KANK1: variants seen among roughly 807,000 people sequenced by gnomAD.
The protein encoded by KANK1 is KN motif and ankyrin repeat domain-containing protein 1.
KANK1 carries 109 observed loss-of-function variants against 106.2 expected under a neutral mutation model. That is an observed-to-expected ratio of 1.03 (90% confidence interval 0.88 to 1.20). The LOEUF (loss-of-function observed/expected upper bound fraction) is 1.20, where lower values mean the gene tolerates loss of function less well. Among genes scored for constraint, KANK1 ranks in the 50% most tolerant of loss-of-function variants. The pLI is 0.00. For synonymous variants in KANK1, 873 were observed against 652.2 expected, an observed-to-expected ratio of 1.34 and a Z score of -5.16; for missense variants, 2,399 against 1,710.7, an observed-to-expected ratio of 1.40 and a Z score of -7.10.
At chr9:720,458 C>T (rs900404681) in intron 3 of KANK1, among the ~76,000 whole-genome samples, 6 of 152,222 alleles carry the variant, frequency 3.9e-5, no homozygotes, top group African/African-American at 7.2e-5. Flanking sequence ...TGTCCTCACA[C>T]GTGAACCTCC....
chr9:632,925 C>G (rs1194690710), intron 1 of KANK1, among the ~76,000 whole-genome samples: 2 of 152,090 alleles, frequency 1.3e-5, no homozygotes, highest in Admixed American at 6.5e-5. Flanking sequence ...AACTCCTGAC[C>G]TCAGGTGATC....
chr9:542,018 G>A (rs974070059), intron 1 of KANK1, among the ~76,000 whole-genome samples: 5 of 151,806 alleles, frequency 3.3e-5, no homozygotes, highest in Non-Finnish European at 5.9e-5. Context: ...GAACCCGGGA[G>A]GCGGAGCTTG....
intron 3 of KANK1, among the ~76,000 whole-genome samples, chr9:726,317 C>G (rs1357780392): frequency 6.6e-6 from 1 of 152,056 alleles, no homozygotes; most frequent in African/African-American, 2.4e-5. Context: ...GGGAATAAGC[C>G]CATTGATCTT....
chr9:510,632 C>T (rs1428564043), intron 1 of KANK1, among the ~76,000 whole-genome samples: 1 of 152,220 alleles, frequency 6.6e-6, no homozygotes, highest in Non-Finnish European at 1.5e-5. Flanking sequence ...CCCCGGTTGA[C>T]CACTGGACAG....
At chr9:743,141 G>A (rs1836141370) in intron 10 of KANK1, among the ~76,000 whole-genome samples, 1 of 152,190 alleles carries the variant, frequency 6.6e-6, no homozygotes, top group African/African-American at 2.4e-5. Flanking sequence ...ACAGAGGTCG[G>A]GTTGGCTTGG....
chr9:744,450 G>C (rs372609937), intron 10 of KANK1, 41 bp from the exon 11 acceptor site: 69 of 1,589,308 alleles, frequency 4.3e-5, no homozygotes, highest in African/African-American at 5.4e-5. Flanking sequence ...CTGGAGGTTT[G>C]AGAAACCCAA....
chr9:472,806 G>A (rs1380173075), intron 2 of KANK1, among the ~76,000 whole-genome samples: 1 of 152,190 alleles, frequency 6.6e-6, no homozygotes, highest in Non-Finnish European at 1.5e-5. Flanking sequence ...GATCCGAGCT[G>A]GTGCAGGCAT....
intron 3 of KANK1, among the ~76,000 whole-genome samples, chr9:474,324 C>G (rs776278946): frequency 6.6e-5 from 10 of 152,186 alleles, no homozygotes. Context: ...AGTACAAGCT[C>G]AGGGGTCAAA....
rs73386844 is a variant in KANK1, at chr9:654,556, A to G, written c.-83-22334A>G. Among the ~76,000 whole-genome samples the G allele has an allele frequency of 9.6e-3, 1,397 of 145,026 alleles. 32 individuals carry two copies. Among genetic ancestry groups the G allele is most frequent in the African/African-American group, 0.036 (1,324 of 36,780 alleles). On this transcript the variant is annotated intron_variant, in intron 1 of 11. Coordinates refer to ENST00000382297, the MANE Select transcript of KANK1 (RefSeq NM_015158.5). ...TCAAACACTAACTCAACCAGAAGGGACAATGTAATATATTTACCACTCAAT... is the reference window on the plus strand; with the variant it reads ...TCAAACACTAACTCAACCAGAAGGGGCAATGTAATATATTTACCACTCAAT...
Position 580,055 on chromosome 9 carries a change from G to A in KANK1, c.-84+75301G>A, listed in dbSNP as rs563686184. On this transcript the variant is annotated intron_variant, in intron 1 of 11. Coordinates refer to ENST00000382297, the MANE Select transcript of KANK1 (RefSeq NM_015158.5). ...GTGAGTGTTACAGTTCTTAAAGATG[G>A]TGTGTCCGAAGTTTGTTCCTTCTGA... is the stretch of plus-strand genomic sequence containing the variant. 1.4e-3 allele frequency among the ~76,000 whole-genome samples: 214 copies of A among 152,256 alleles called. 1 individual carries two copies. Among genetic ancestry groups the A allele is most frequent in the African/African-American group, 4.8e-3 (201 of 41,518 alleles).
intron 1 of KANK1, among the ~76,000 whole-genome samples, chr9:595,223 G>GCA (rs1338375808): frequency 7.2e-4 from 110 of 151,898 alleles, no homozygotes; most frequent in Non-Finnish European, 1.2e-3. Flanking sequence ...AGACCAGTTG[G>GCA]GGCAACATGG....
At chr9:724,149 T>C (rs1830084019) in intron 3 of KANK1, among the ~76,000 whole-genome samples, 1 of 152,208 alleles carries the variant, frequency 6.6e-6, no homozygotes, top group Non-Finnish European at 1.5e-5. Flanking sequence ...GATTATGTGA[T>C]AATCATACTT....
intron 1 of KANK1, among the ~76,000 whole-genome samples, chr9:639,830 C>T (rs1232712507): frequency 1.3e-5 from 2 of 152,164 alleles, no homozygotes; most frequent in Non-Finnish European, 2.9e-5. Context: ...CTGGTGAGGG[C>T]CTGTTCCTCA....
At chr9:741,595 C>A (rs906762314) in intron 9 of KANK1, among the ~76,000 whole-genome samples, 1 of 151,036 alleles carries the variant, frequency 6.6e-6, no homozygotes. Context: ...TCACACCATT[C>A]TCCTGCCTCA....
At chr9:476,039 G>C (rs1481612918) in intron 3 of KANK1, among the ~76,000 whole-genome samples, 1 of 150,858 alleles carries the variant, frequency 6.6e-6, no homozygotes. Flanking sequence ...TTTTAACAGA[G>C]ACAAGTTTTC....
At position 609,394 on chromosome 9, in the gene KANK1, G is replaced by A. The variant is rs374284201; in HGVS notation, c.-83-67496G>A. Among the ~76,000 whole-genome samples the A allele has an allele frequency of 5.8e-4, 89 of 152,224 alleles. 1 individual carries two copies. In the South Asian group the frequency reaches 0.017, roughly 29 times the overall value. On this transcript the variant is annotated intron_variant, in intron 1 of 11. Transcript: ENST00000382297. Reference sequence around the variant, plus strand: ...TGTAATCCCAGCACTTTGGGAGGCCGAGGAGGGCGGATCACCTGAGGTCAG... The same window carrying A: ...TGTAATCCCAGCACTTTGGGAGGCCAAGGAGGGCGGATCACCTGAGGTCAG...
chr9:729,633 G>T (rs1259802721), intron 3 of KANK1, among the ~76,000 whole-genome samples: 1 of 152,252 alleles, frequency 6.6e-6, no homozygotes, highest in Non-Finnish European at 1.5e-5. Flanking sequence ...TGGCTCTGCA[G>T]TGTGGACTAC....
chr9:544,734 A>C (rs1191660986), intron 1 of KANK1, among the ~76,000 whole-genome samples: 1 of 129,078 alleles, frequency 7.7e-6, no homozygotes, highest in African/African-American at 2.9e-5. Flanking sequence ...CGCCAGGTGA[A>C]GTGGTAGACT....
At chr9:652,327 C>T (rs1300595825) in intron 1 of KANK1, among the ~76,000 whole-genome samples, 1 of 152,020 alleles carries the variant, frequency 6.6e-6, no homozygotes, top group Non-Finnish European at 1.5e-5. Context: ...TCGAGACCAG[C>T]CTGGCCAACA....
Sources: allele counts gnomAD v4.1 joint callset (sites outside exome capture counted in the v4.1 genomes callset), GRCh38; gene constraint gnomAD v4.1.1; transcripts MANE v1.5; gene names NCBI Gene and HGNC (gene_info 2026-07-23, HGNC 2026-07-21).